Variants in C8orf34 observed in about 807,000 individuals in gnomAD.
C8orf34 encodes uncharacterized protein C8orf34.
In C8orf34, 65 loss-of-function variants were observed where a neutral mutation model predicts 68.3. The ratio of observed to expected loss-of-function variants is 0.95; its 90% CI spans 0.78 to 1.17. C8orf34 has a LOEUF of 1.17. C8orf34 is among the 50% of genes most tolerant of loss of function. The pLI, the probability that C8orf34 is intolerant of heterozygous loss-of-function variation, is 0.00. For synonymous variants in C8orf34, 244 were observed against 241.2 expected (o/e 1.01, Z -0.11); for missense variants, 664 against 655.4 (o/e 1.01, Z -0.14).
intron 7 of C8orf34, among the ~76,000 whole-genome samples, chr8:68,626,976 G>T (rs1469972834): frequency 6.6e-6 from 1 of 152,064 alleles, no homozygotes; most frequent in African/African-American, 2.4e-5. Context: ...ATCCAGAGAA[G>T]TGTCCTGGGA....
chr8:68,643,655 T>C (rs1018079919), intron 8 of C8orf34, among the ~76,000 whole-genome samples: 5 of 152,088 alleles, frequency 3.3e-5, no homozygotes, highest in Non-Finnish European at 7.4e-5. Flanking sequence ...GGGTCTTTTT[T>C]ATAAGGGCAC....
chr8:68,599,984 A>G (rs1433051477), intron 7 of C8orf34, among the ~76,000 whole-genome samples: 1 of 152,090 alleles, frequency 6.6e-6, no homozygotes, highest in African/African-American at 2.4e-5. Flanking sequence ...GACACTTCAC[A>G]AAAGAAGATA....
At chr8:68,628,757 T>C (rs1204700223) in intron 7 of C8orf34, among the ~76,000 whole-genome samples, 3 of 152,210 alleles carry the variant, frequency 2.0e-5, no homozygotes, top group African/African-American at 7.2e-5. Context: ...GAAAATTCAC[T>C]CATCTCCCAC....
At chr8:68,479,202 G>A (rs1039884403) in intron 4 of C8orf34, among the ~76,000 whole-genome samples, 1 of 152,152 alleles carries the variant, frequency 6.6e-6, no homozygotes, top group African/African-American at 2.4e-5. Flanking sequence ...AAGCTGGTAT[G>A]CAGTGGACGG....
At chr8:68,386,783 G>A (rs929308185) in intron 1 of C8orf34, among the ~76,000 whole-genome samples, 1 of 151,998 alleles carries the variant, frequency 6.6e-6, no homozygotes, top group Non-Finnish European at 1.5e-5. Context: ...TGACATTTTG[G>A]ACCAGATCAT....
intron 4 of C8orf34, among the ~76,000 whole-genome samples, chr8:68,481,033 C>T (rs1475309923): frequency 6.6e-6 from 1 of 152,196 alleles, no homozygotes; most frequent in South Asian, 2.1e-4. Context: ...CAGAGACTTT[C>T]ATGACAGCCC....
intron 5 of C8orf34, among the ~76,000 whole-genome samples, chr8:68,501,014 C>T (rs1293862223): frequency 6.6e-6 from 1 of 152,138 alleles, no homozygotes; most frequent in Non-Finnish European, 1.5e-5. Flanking sequence ...ACCTGTGCAA[C>T]TGAAATGTGG....
intron 7 of C8orf34, among the ~76,000 whole-genome samples, chr8:68,593,299 T>G (rs1817450512): frequency 6.6e-6 from 1 of 152,138 alleles, no homozygotes; most frequent in African/African-American, 2.4e-5. Context: ...AATTAACTTA[T>G]TGAGTATTTT....
In C8orf34 at chr8:68,640,387, GA is replaced by G; in HGVS notation, c.1118del (p.Asp373ValfsTer2). The G allele has an allele frequency of 6.2e-7, 1 of 1,613,272 alleles. No individual in the cohort carries two copies. The highest frequency in any genetic ancestry group is 8.5e-7 in the Non-Finnish European group (1 of 1,179,554). ...DAMELLEDLN[D>X]LRMEGVTTLV... ...TTGTGTTGTTACAGAGGATCTTAAT[GA>G]TTTAAGAATGGAGGGAGTAACAACC... is the stretch of plus-strand genomic sequence containing the variant. On this transcript the variant is annotated frameshift_variant, in exon 8 of 14. Transcript: ENST00000518698. LOFTEE classifies it high-confidence loss of function.
In C8orf34 at chr8:68,553,395, A is replaced by AC. The variant is rs1440963935; in HGVS notation, c.1105+20246_1105+20247insC. Among the ~76,000 whole-genome samples the AC allele has an allele frequency of 1.3e-3, 132 of 102,602 alleles. 3 individuals are homozygous for AC. The highest frequency in any genetic ancestry group is 6.8e-3 in the African/African-American group (130 of 18,996). 67.3% of individuals were successfully genotyped at this position (102,602 alleles called of 152,430 possible). A position where few individuals can be genotyped will look rare whatever the true frequency, so the allele number is the denominator to read the frequency against. Reference sequence around the variant, plus strand: ...GCGAGACTCCATCTCAAAAAAAAAAAAAAAAAAAAAAAAAACATATCCTCC... The same window carrying AC: ...GCGAGACTCCATCTCAAAAAAAAAAACAAAAAAAAAAAAAAACATATCCTCC... On this transcript the variant is annotated intron_variant, in intron 7 of 13. Transcript: ENST00000518698.
At chr8:68,583,967 A>G (rs1036073382) in intron 7 of C8orf34, among the ~76,000 whole-genome samples, 5 of 152,122 alleles carry the variant, frequency 3.3e-5, no homozygotes, top group African/African-American at 9.6e-5. Context: ...AAAATTTTCA[A>G]AAAAGTCTGG....
At chr8:68,397,022 T>A (rs1405864477) in intron 1 of C8orf34, among the ~76,000 whole-genome samples, 1 of 152,136 alleles carries the variant, frequency 6.6e-6, no homozygotes, top group African/African-American at 2.4e-5. Flanking sequence ...TTTCTTTTTT[T>A]TTGAGGTAGA....
At chr8:68,613,066 A>G (rs1038534063) in intron 7 of C8orf34, among the ~76,000 whole-genome samples, 1 of 152,136 alleles carries the variant, frequency 6.6e-6, no homozygotes, top group African/African-American at 2.4e-5. Context: ...ATTTTCTCAT[A>G]TGGGAACATT....
chr8:68,733,551 T>C lies in C8orf34; in HGVS notation c.1404+12114T>C, dbSNP rs556978919. On this transcript the variant is annotated intron_variant, in intron 10 of 13. Coordinates refer to ENST00000518698, the MANE Select transcript of C8orf34 (RefSeq NM_052958.4). ...TACATCATACAATAACTAGCTGTTC[T>C]AAAGCATGCCTTCTTATATGATTTT... is the stretch of plus-strand genomic sequence containing the variant. Among the ~76,000 whole-genome samples the C allele has an allele frequency of 4.6e-5, 7 of 152,352 alleles. No individual in the cohort carries two copies. The South Asian group carries it at 1.0e-3, about 23-fold the overall frequency.
chr8:68,331,415 A>C, intron 1 of C8orf34, 76 bp downstream of exon 1: 10 of 1,409,186 alleles, frequency 7.1e-6, no homozygotes, highest in East Asian at 2.5e-5. Context: ...AACACTCCCA[A>C]TCCCACCCCT....
intron 7 of C8orf34, among the ~76,000 whole-genome samples, chr8:68,585,694 C>G (rs1353687601): frequency 6.6e-6 from 1 of 152,014 alleles, no homozygotes; most frequent in African/African-American, 2.4e-5. Context: ...GAGTCTATTT[C>G]CAAGAAGGGT....
intron 12 of C8orf34, among the ~76,000 whole-genome samples, chr8:68,797,644 G>A (rs184579389): frequency 2.9e-4 from 44 of 152,304 alleles, no homozygotes; most frequent in African/African-American, 8.9e-4. Flanking sequence ...TAGTGGTACT[G>A]GGGTGTTAGA....
rs78903120 is a variant in C8orf34 at position 68,413,048 on chromosome 8, A to G, written c.328-26451A>G. ...ACATTTCTGCCTTTTTCATTCCTAC[A>G]CCTGTGCAGCTGAACACGGTTGGGA... On this transcript the variant is annotated intron_variant, in intron 1 of 13. Coordinates refer to ENST00000518698, the MANE Select transcript of C8orf34 (RefSeq NM_052958.4). 8.5e-3 allele frequency among the ~76,000 whole-genome samples: 1,291 copies of G among 152,120 alleles called. 25 individuals are homozygous for G. Among genetic ancestry groups the G allele is most frequent in the African/African-American group, 0.029 (1,214 of 41,488 alleles).
At chr8:68,512,348 C>T (rs1814313045) in intron 5 of C8orf34, among the ~76,000 whole-genome samples, 1 of 152,048 alleles carries the variant, frequency 6.6e-6, no homozygotes, top group Non-Finnish European at 1.5e-5. Flanking sequence ...TTTGGCAATC[C>T]CGTGTACCTA....
Sources: gnomAD v4.1 joint callset for allele counts (sites outside exome capture counted in the v4.1 genomes callset) on GRCh38, gnomAD v4.1.1 for gene constraint, MANE v1.5 for transcripts, NCBI Gene and HGNC (gene_info 2026-07-23, HGNC 2026-07-21) for gene names.